SEMA5A: variants seen among roughly 807,000 people sequenced by gnomAD.
The protein encoded by SEMA5A is semaphorin 5A.
A neutral mutation model predicts 135.5 loss-of-function variants in SEMA5A; 55 were observed. The observed-to-expected ratio is 0.41, with a 90% CI of 0.33 to 0.51. The LOEUF (loss-of-function observed/expected upper bound fraction) is 0.51, where lower values mean the gene tolerates loss of function less well. Ranked by LOEUF, SEMA5A falls within the 20% of genes least tolerant of loss-of-function variation. The probability of loss-of-function intolerance (pLI) is 0.37; values close to 1 mark genes in which losing one functional copy is unlikely to be tolerated. For missense variants in SEMA5A, 1,290 were observed against 1,419.9 expected (o/e 0.91, Z 1.47); for synonymous variants, 580 against 546.5 (o/e 1.06, Z -0.85).
At chr5:9,537,165 T>G (rs1737812956) in intron 1 of SEMA5A, among the ~76,000 whole-genome samples, 1 of 152,204 alleles carries the variant, frequency 6.6e-6, no homozygotes, top group Non-Finnish European at 1.5e-5. Context: ...CATAACACTA[T>G]GAGCTGCTTT....
intron 10 of SEMA5A, among the ~76,000 whole-genome samples, chr5:9,194,009 C>T (rs1228330099): frequency 6.6e-6 from 1 of 152,234 alleles, no homozygotes; most frequent in Non-Finnish European, 1.5e-5. Context: ...CACTTAACTA[C>T]ATTTGAGGGT....
At chr5:9,369,318 T>C (rs542409244) in intron 3 of SEMA5A, among the ~76,000 whole-genome samples, 2 of 152,318 alleles carry the variant, frequency 1.3e-5, no homozygotes, top group Admixed American at 6.5e-5. Context: ...ATTTTCTTAA[T>C]GGTGTCTTCG....
At chr5:9,134,930 A>T (rs1741646171) in intron 13 of SEMA5A, among the ~76,000 whole-genome samples, 1 of 152,110 alleles carries the variant, frequency 6.6e-6, no homozygotes, top group Non-Finnish European at 1.5e-5. Flanking sequence ...AAACAATGAC[A>T]TTTTTCTAAC....
At chr5:9,132,148 T>A (rs927383570) in intron 13 of SEMA5A, among the ~76,000 whole-genome samples, 1 of 152,200 alleles carries the variant, frequency 6.6e-6, no homozygotes, top group Non-Finnish European at 1.5e-5. Context: ...ATCTGTACTA[T>A]AGAAACCCAT....
intron 1 of SEMA5A, among the ~76,000 whole-genome samples, chr5:9,512,569 A>G (rs1736269781): frequency 6.6e-6 from 1 of 151,948 alleles, no homozygotes; most frequent in Non-Finnish European, 1.5e-5. Flanking sequence ...ATAGTAACTG[A>G]GCAGTCTCTC....
chr5:9,401,437 C>T (rs1185513598), intron 2 of SEMA5A, among the ~76,000 whole-genome samples: 2 of 152,108 alleles, frequency 1.3e-5, no homozygotes, highest in African/African-American at 4.8e-5. Flanking sequence ...TCCCAAAGGC[C>T]ATATGTGCCA....
At chr5:9,121,971 A>T (rs1307568397) in intron 14 of SEMA5A, among the ~76,000 whole-genome samples, 1 of 152,190 alleles carries the variant, frequency 6.6e-6, no homozygotes, top group African/African-American at 2.4e-5. Context: ...TAATATGTTT[A>T]AAAAATACTG....
At chr5:9,224,133 G>A (rs965073194) in intron 8 of SEMA5A, among the ~76,000 whole-genome samples, 22 of 152,126 alleles carry the variant, frequency 1.4e-4, no homozygotes, top group African/African-American at 4.6e-4. Flanking sequence ...GTGAATACTC[G>A]CCTCCTTATT....
At chr5:9,110,513 G>A (rs971252797) in intron 15 of SEMA5A, among the ~76,000 whole-genome samples, 1 of 152,194 alleles carries the variant, frequency 6.6e-6, no homozygotes, top group Non-Finnish European at 1.5e-5. Context: ...TGGTGGAGAT[G>A]GAGCTTGGTA....
chr5:9,443,539 C>T (rs1758317484), intron 1 of SEMA5A, among the ~76,000 whole-genome samples: 1 of 152,144 alleles, frequency 6.6e-6, no homozygotes, highest in Admixed American at 6.5e-5. Flanking sequence ...CTGAGGTTTA[C>T]AACATGATGT....
chr5:9,341,500 G>A (rs1039345911), intron 3 of SEMA5A, among the ~76,000 whole-genome samples: 6 of 151,750 alleles, frequency 4.0e-5, no homozygotes, highest in Admixed American at 1.3e-4. Context: ...CACAGCAAGT[G>A]GTGAATTGAG....
At chr5:9,306,474 A>C (rs1291893513) in intron 5 of SEMA5A, among the ~76,000 whole-genome samples, 12 of 152,262 alleles carry the variant, frequency 7.9e-5, no homozygotes, top group African/African-American at 2.9e-4. Flanking sequence ...TGTTTTTAAA[A>C]AATTATAGAA....
At chr5:9,221,706 A>C (rs538827043) in intron 8 of SEMA5A, among the ~76,000 whole-genome samples, 3 of 152,292 alleles carry the variant, frequency 2.0e-5, no homozygotes, top group South Asian at 4.1e-4. Context: ...TGTCCAAAAA[A>C]CGAAAATTAC....
intron 2 of SEMA5A, among the ~76,000 whole-genome samples, chr5:9,384,185 G>T (rs773918130): frequency 6.6e-6 from 1 of 152,004 alleles, no homozygotes; most frequent in East Asian, 1.9e-4. Context: ...ACTTACCATG[G>T]AAGGCTAACT....
chr5:9,481,564 TA>T (rs1759877052), intron 1 of SEMA5A, among the ~76,000 whole-genome samples: 1 of 152,224 alleles, frequency 6.6e-6, no homozygotes, highest in South Asian at 2.1e-4. Flanking sequence ...GATTTCTCCA[TA>T]AGCTGTTAGA....
chr5:9,365,001 G>A (rs997370233), intron 3 of SEMA5A, among the ~76,000 whole-genome samples: 1 of 152,204 alleles, frequency 6.6e-6, no homozygotes, highest in Non-Finnish European at 1.5e-5. Flanking sequence ...TGTTCAGAAA[G>A]AGCCCTTATG....
chr5:9,287,629 A>C (rs980680414), intron 5 of SEMA5A, among the ~76,000 whole-genome samples: 2 of 152,216 alleles, frequency 1.3e-5, no homozygotes, highest in African/African-American at 4.8e-5. Context: ...AACTATAGTC[A>C]GCAGGCCAAA....
At chr5:9,390,291 A>T (rs753282358) in intron 2 of SEMA5A, among the ~76,000 whole-genome samples, 1 of 152,246 alleles carries the variant, frequency 6.6e-6, no homozygotes, top group Non-Finnish European at 1.5e-5. Context: ...GCCTGGAAAC[A>T]TGAAAGCAGA....
chr5:9,052,140 A>AT, intron 19 of SEMA5A, 112 bp from the exon 20 acceptor site: 1 of 1,167,954 alleles, frequency 8.6e-7, no homozygotes, highest in South Asian at 1.7e-5. Context: ...TCCATAGCAT[A>AT]TTTTTAATGG....
Sources: allele counts gnomAD v4.1 joint callset (sites outside exome capture counted in the v4.1 genomes callset), GRCh38; gene constraint gnomAD v4.1.1; transcripts MANE v1.5; gene names NCBI Gene and HGNC (gene_info 2026-07-23, HGNC 2026-07-21).